DLGAP2: variants seen among roughly 807,000 people sequenced by gnomAD.
DLGAP2 encodes disks large-associated protein 2.
A neutral mutation model predicts 100.3 loss-of-function variants in DLGAP2; 26 were observed. That is an observed-to-expected ratio of 0.26 (90% CI 0.19 to 0.36). The LOEUF is 0.36. DLGAP2 is among the 10% of genes least tolerant of loss of function. The pLI is 1.00. For missense variants in DLGAP2, 1,858 were observed against 1,453.2 expected (o/e 1.28, Z -4.53); for synonymous variants, 886 against 630.1 (o/e 1.41, Z -6.08).
intron 3 of DLGAP2, among the ~76,000 whole-genome samples, chr8:1,392,469 C>T (rs1034593248): frequency 5.3e-5 from 8 of 152,232 alleles, no homozygotes; most frequent in African/African-American, 1.7e-4. Context: ...GACTTGGACG[C>T]CGCGTGGTCC....
chr8:1,063,109 G>A (rs558251296), intron 2 of DLGAP2, among the ~76,000 whole-genome samples: 4 of 152,200 alleles, frequency 2.6e-5, no homozygotes, highest in Non-Finnish European at 1.5e-5. Context: ...GTGAAAGATT[G>A]GGTGCCTCTT....
Position 1,569,393 on chromosome 8 carries a change from G to A in DLGAP2, c.1442+3499G>A, listed in dbSNP as rs148177947. 8.4e-4 allele frequency among the ~76,000 whole-genome samples: 128 copies of A among 152,346 alleles called. 1 individual carries two copies. In the East Asian group the frequency reaches 0.013, roughly 16 times the overall value. ...AATAAAGCAGAGAAAGCAGCCATGTGATGGGTCTGGACAGCGACCTGCCTG... is the reference window on the plus strand; with the variant it reads ...AATAAAGCAGAGAAAGCAGCCATGTAATGGGTCTGGACAGCGACCTGCCTG... On this transcript the variant is annotated intron_variant, in intron 6 of 14. Transcript: ENST00000637795.
chr8:913,939 C>T (rs1798540510), intron 2 of DLGAP2, among the ~76,000 whole-genome samples: 1 of 152,010 alleles, frequency 6.6e-6, no homozygotes, highest in African/African-American at 2.4e-5. Flanking sequence ...CATGCAGGCA[C>T]CTCAGACGGG....
At chr8:1,145,668 T>A (rs912386118) in intron 2 of DLGAP2, among the ~76,000 whole-genome samples, 2 of 151,914 alleles carry the variant, frequency 1.3e-5, no homozygotes, top group South Asian at 4.2e-4. Flanking sequence ...AATGTGCAGG[T>A]TAGTTACATA....
At chr8:1,560,376 T>C (rs573490928) in intron 5 of DLGAP2, among the ~76,000 whole-genome samples, 1 of 152,380 alleles carries the variant, frequency 6.6e-6, no homozygotes, top group East Asian at 1.9e-4. Flanking sequence ...TGAGCATCTT[T>C]TCATCGCTAA....
At chr8:1,271,047 A>C (rs1002516403) in intron 3 of DLGAP2, among the ~76,000 whole-genome samples, 1 of 152,176 alleles carries the variant, frequency 6.6e-6, no homozygotes, top group Non-Finnish European at 1.5e-5. Context: ...TAATATTGCA[A>C]TTCTCAAATT....
In DLGAP2 at chr8:1,678,601, G is replaced by C. The variant is rs1471953105; in HGVS notation, c.2676G>C (p.Glu892Asp). 6.4e-7 allele frequency: 1 copy of C among 1,565,484 alleles called. No homozygotes were observed. The highest frequency in any genetic ancestry group is 8.7e-7 in the Non-Finnish European group (1 of 1,154,250). The change falls in exon 12 of 15, where the codon GAG (glutamate) becomes GAC (aspartate). Residue 892 changes from glutamate (E) to aspartate (D), a missense_variant. By Grantham distance (45) the Glu-to-Asp change is conservative. Transcript: ENST00000637795. The part of the protein sequence containing the change: ...MEGWCKEMER[E>D]AEENDLSEEI... The stretch of plus-strand genomic sequence containing the variant: ...GCTGGTGCAAAGAGATGGAGAGAGA[G>C]GCGGAGGAGAACGACCTCTCGGAGG...
chr8:1,637,307 G>T (rs1797789525), intron 8 of DLGAP2, among the ~76,000 whole-genome samples: 1 of 152,098 alleles, frequency 6.6e-6, no homozygotes, highest in Non-Finnish European at 1.5e-5. Flanking sequence ...GCAGCTGGAG[G>T]TTCTGTGAGC....
In DLGAP2 at chr8:1,667,269, C is replaced by T. The variant is rs576907064; in HGVS notation, c.1811-1060C>T. Among the ~76,000 whole-genome samples the T allele has an allele frequency of 3.3e-5, 5 of 152,302 alleles. No individual in the cohort carries two copies. The South Asian group carries it at 8.3e-4, about 25-fold the overall frequency. On this transcript the variant is annotated intron_variant, in intron 8 of 14. Coordinates refer to ENST00000637795, the MANE Select transcript of DLGAP2 (RefSeq NM_001346810.2). ...TATAGCCTGAGTCCAGGCCAAGGTGCCTCATGCATTTTTGGTAGGTTCTAA... is the reference window on the plus strand; with the variant it reads ...TATAGCCTGAGTCCAGGCCAAGGTGTCTCATGCATTTTTGGTAGGTTCTAA...
At chr8:862,260 T>C (rs1436912690) in intron 1 of DLGAP2, among the ~76,000 whole-genome samples, 1 of 151,720 alleles carries the variant, frequency 6.6e-6, no homozygotes, top group Non-Finnish European at 1.5e-5. Context: ...CTCAGGTGTC[T>C]TGGAGCGAGT....
chr8:1,382,453 C>T (rs541104315), intron 3 of DLGAP2, among the ~76,000 whole-genome samples: 12 of 152,306 alleles, frequency 7.9e-5, no homozygotes, highest in South Asian at 4.1e-4. Flanking sequence ...TATGTATCAT[C>T]GGTCAGGCGC....
intron 1 of DLGAP2, among the ~76,000 whole-genome samples, chr8:891,909 C>G (rs955786360): frequency 6.6e-6 from 1 of 152,120 alleles, no homozygotes; most frequent in Non-Finnish European, 1.5e-5. Context: ...TGACTGGGGC[C>G]GCATCCACAG....
intron 6 of DLGAP2, among the ~76,000 whole-genome samples, chr8:1,583,730 C>T (rs1158612698): frequency 6.6e-6 from 1 of 152,128 alleles, no homozygotes; most frequent in Non-Finnish European, 1.5e-5. Flanking sequence ...ACCTCTCGGC[C>T]ACCAGCTCCA....
chr8:760,257 C>T (rs1296052482), intron 1 of DLGAP2, among the ~76,000 whole-genome samples: 1 of 152,176 alleles, frequency 6.6e-6, no homozygotes, highest in African/African-American at 2.4e-5. Context: ...TCCCTTGCTG[C>T]CTGATCTGCG....
At chr8:777,377 A>G (rs904356004) in intron 1 of DLGAP2, among the ~76,000 whole-genome samples, 5 of 151,332 alleles carry the variant, frequency 3.3e-5, no homozygotes, top group Non-Finnish European at 7.4e-5. Context: ...TTATGTGTGA[A>G]TTTGATCCTG....
intron 6 of DLGAP2, among the ~76,000 whole-genome samples, chr8:1,615,190 A>C (rs2130741577): frequency 6.6e-6 from 1 of 152,312 alleles, no homozygotes; most frequent in South Asian, 2.1e-4. Context: ...CCAGCTGCTG[A>C]CCACCGATGG....
intron 2 of DLGAP2, among the ~76,000 whole-genome samples, chr8:1,063,497 G>A (rs1309217709): frequency 1.3e-5 from 2 of 148,164 alleles, no homozygotes; most frequent in South Asian, 2.2e-4. Context: ...TTTTCTTTTC[G>A]TGCTTCTTGC....
At chr8:1,173,368 C>G (rs190450722) in intron 2 of DLGAP2, among the ~76,000 whole-genome samples, 1 of 152,324 alleles carries the variant, frequency 6.6e-6, no homozygotes, top group African/African-American at 2.4e-5. Flanking sequence ...TGCCCGTTCT[C>G]AGATCTCCAG....
intron 2 of DLGAP2, among the ~76,000 whole-genome samples, chr8:1,138,607 G>C (rs888597422): frequency 6.6e-6 from 1 of 152,250 alleles, no homozygotes; most frequent in Non-Finnish European, 1.5e-5. Context: ...ATAAAGTGCC[G>C]AGTGACATTC....
Sources: gnomAD v4.1 joint callset for allele counts (sites outside exome capture counted in the v4.1 genomes callset) on GRCh38, gnomAD v4.1.1 for gene constraint, MANE v1.5 for transcripts, NCBI Gene and HGNC (gene_info 2026-07-23, HGNC 2026-07-21) for gene names.